GRM3: variants seen among roughly 807,000 people sequenced by gnomAD.
The protein encoded by GRM3 is metabotropic glutamate receptor 3.
Under a neutral mutation model 70.5 loss-of-function variants are expected in GRM3, and 26 were observed. The observed-to-expected ratio is 0.37, with a 90% CI of 0.27 to 0.51. The LOEUF (loss-of-function observed/expected upper bound fraction) is 0.51, where lower values mean the gene tolerates loss of function less well. Ranked by LOEUF, GRM3 falls within the 20% of genes least tolerant of loss-of-function variation. The pLI is 0.93. For missense variants in GRM3, 859 were observed against 1,123.8 expected (o/e 0.76, Z 3.37); for synonymous variants, 443 against 434.9 (o/e 1.02, Z -0.23).
chr7:86,739,736 C>T (rs1795943524), intron 1 of GRM3, among the ~76,000 whole-genome samples: 1 of 152,130 alleles, frequency 6.6e-6, no homozygotes, highest in African/African-American at 2.4e-5. Flanking sequence ...TTGTAACAAG[C>T]CAAACTGAAT....
intron 1 of GRM3, among the ~76,000 whole-genome samples, chr7:86,722,325 C>T (rs1008576686): frequency 6.6e-6 from 1 of 152,012 alleles, no homozygotes; most frequent in African/African-American, 2.4e-5. Flanking sequence ...CAGCACTGTT[C>T]ATAATAGCAG....
chr7:86,845,947 TACTC>T (rs1798647543), intron 4 of GRM3, among the ~76,000 whole-genome samples: 2 of 152,292 alleles, frequency 1.3e-5, no homozygotes, highest in South Asian at 4.1e-4. Flanking sequence ...ATTTGGCCTT[TACTC>T]ACACACCAAG....
intron 1 of GRM3, among the ~76,000 whole-genome samples, chr7:86,672,335 G>A (rs979159277): frequency 6.6e-6 from 1 of 152,088 alleles, no homozygotes; most frequent in Non-Finnish European, 1.5e-5. Flanking sequence ...CCACAATTGG[G>A]ATAAGGTAGG....
At chr7:86,699,992 T>G (rs1794913373) in intron 1 of GRM3, among the ~76,000 whole-genome samples, 1 of 152,100 alleles carries the variant, frequency 6.6e-6, no homozygotes, top group South Asian at 2.1e-4. Context: ...TAACCCACAC[T>G]AGGCTTCACA....
intron 2 of GRM3, among the ~76,000 whole-genome samples, chr7:86,766,214 T>C (rs1433351913): frequency 6.6e-6 from 1 of 152,126 alleles, no homozygotes; most frequent in Non-Finnish European, 1.5e-5. Context: ...AATAATAATT[T>C]GAAGCCACTG....
At chr7:86,702,555 T>C (rs1794967431) in intron 1 of GRM3, among the ~76,000 whole-genome samples, 1 of 152,020 alleles carries the variant, frequency 6.6e-6, no homozygotes, top group South Asian at 2.1e-4. Context: ...ATCAGAAGTA[T>C]GAGCTTAAGT....
At chr7:86,808,449 C>T (rs575026109) in intron 3 of GRM3, among the ~76,000 whole-genome samples, 3 of 151,856 alleles carry the variant, frequency 2.0e-5, no homozygotes, top group South Asian at 2.1e-4. Context: ...AATTAAGAAG[C>T]GAAACCTAGC....
At chr7:86,830,059 T>C (rs1798320381) in intron 3 of GRM3, among the ~76,000 whole-genome samples, 1 of 152,144 alleles carries the variant, frequency 6.6e-6, no homozygotes, top group Admixed American at 6.5e-5. Flanking sequence ...CTCACTTGTA[T>C]CTTCTTACCA....
chr7:86,674,248 C>T (rs1392736291), intron 1 of GRM3, among the ~76,000 whole-genome samples: 1 of 144,846 alleles, frequency 6.9e-6, no homozygotes, highest in Non-Finnish European at 1.6e-5. Flanking sequence ...AAGATGTTTT[C>T]CTCATATGAC....
chr7:86,752,901 G>C (rs532744171), intron 1 of GRM3, among the ~76,000 whole-genome samples: 2 of 152,188 alleles, frequency 1.3e-5, no homozygotes, highest in South Asian at 4.1e-4. Flanking sequence ...GAGTAAGGAT[G>C]CTAACATTTT....
Position 86,783,913 on chromosome 7 carries a change from C to T in GRM3, c.469-2348C>T, listed in dbSNP as rs574187876. ...CTTACTATGTTCCAATTTCACGTTTCAACTCACCAAATGTGCCTCCTTTTT... is the reference window on the plus strand; with the variant it reads ...CTTACTATGTTCCAATTTCACGTTTTAACTCACCAAATGTGCCTCCTTTTT... On this transcript the variant is annotated intron_variant, in intron 2 of 5. Transcript: ENST00000361669. Among the ~76,000 whole-genome samples the T allele has an allele frequency of 2.6e-5, 4 of 152,322 alleles. No homozygotes were observed. The East Asian group carries it at 7.7e-4, about 29-fold the overall frequency.
intron 1 of GRM3, among the ~76,000 whole-genome samples, chr7:86,750,012 G>A (rs572989194): frequency 2.6e-5 from 4 of 151,980 alleles, no homozygotes; most frequent in Non-Finnish European, 2.9e-5. Context: ...AAGAGTAAAT[G>A]AGCATATGTA....
Position 86,839,693 on chromosome 7 carries a change from A to G in GRM3, c.2179A>G (p.Ile727Val). The part of the protein sequence containing the change: ...YTLAEKRETV[I>V]LKCNVKDSSM... ...CCTTGCAGAGAAGCGGGAAACAGTC[A>G]TCCTAAAATGCAATGTCAAAGATTC... is the stretch of plus-strand genomic sequence containing the variant. The change falls in exon 4 of 6, where the codon ATC (isoleucine) becomes GTC (valine). Residue 727 changes from isoleucine (I) to valine (V), a missense_variant. Coordinates refer to ENST00000361669, the MANE Select transcript of GRM3 (RefSeq NM_000840.3). The surrounding 1 kb of genome is among the most constrained non-coding windows in gnomAD (Gnocchi z 4.5). 1 of 1,614,116 alleles carries G rather than the reference A, an allele frequency of 6.2e-7. No individual in the cohort carries two copies.
intron 1 of GRM3, among the ~76,000 whole-genome samples, chr7:86,733,088 G>A (rs1795774063): frequency 6.6e-6 from 1 of 152,148 alleles, no homozygotes; most frequent in Non-Finnish European, 1.5e-5. Flanking sequence ...GCTGAGGTGG[G>A]TGGATCACGA....
intron 3 of GRM3, among the ~76,000 whole-genome samples, chr7:86,795,168 A>G (rs1797518276): frequency 6.6e-6 from 1 of 151,964 alleles, no homozygotes; most frequent in African/African-American, 2.4e-5. Context: ...AAAGATGATT[A>G]TTTCTCTTTT....
At chr7:86,767,658 T>C (rs1796641108) in intron 2 of GRM3, among the ~76,000 whole-genome samples, 1 of 151,312 alleles carries the variant, frequency 6.6e-6, no homozygotes, top group South Asian at 2.1e-4. Context: ...GAATTTATAT[T>C]ATACCCAATA....
chr7:86,817,610 C>T (rs547576904), intron 3 of GRM3, among the ~76,000 whole-genome samples: 1 of 151,982 alleles, frequency 6.6e-6, no homozygotes, highest in East Asian at 1.9e-4. Context: ...GGCTGAAGGT[C>T]AGTGCAAAGA....
chr7:86,644,442 G>C lies in GRM3; in HGVS notation c.-571G>C, dbSNP rs1450047043. 3.0e-6 allele frequency: 1 copy of C among 334,436 alleles called. No individual in the cohort carries two copies. The highest frequency in any genetic ancestry group is 5.9e-6 in the Non-Finnish European group (1 of 170,728). The allele number at this position is 334,436 out of a possible 1,614,324, so 20.7% of individuals were successfully genotyped here. On this transcript the variant is annotated 5_prime_UTR_variant, in exon 1 of 6. Coordinates refer to ENST00000361669, the MANE Select transcript of GRM3 (RefSeq NM_000840.3). ...CAAGGTGAAGGAAAGTTGCTTCCGCGCCTAGGAAGTGGGTTTGCCTGATAA... is the reference window on the plus strand; with the variant it reads ...CAAGGTGAAGGAAAGTTGCTTCCGCCCCTAGGAAGTGGGTTTGCCTGATAA...
chr7:86,684,203 C>G (rs949693429), intron 1 of GRM3, among the ~76,000 whole-genome samples: 2 of 152,094 alleles, frequency 1.3e-5, no homozygotes, highest in Admixed American at 1.3e-4. Context: ...GTTTTCGGCT[C>G]AAAGCCCATC....
Sources: gnomAD v4.1 joint callset for allele counts (sites outside exome capture counted in the v4.1 genomes callset) on GRCh38, gnomAD v4.1.1 for gene constraint, Gnocchi (gnomAD v3.1) non-coding constraint, MANE v1.5 for transcripts, NCBI Gene and HGNC (gene_info 2026-07-23, HGNC 2026-07-21) for gene names.